Variants in UHRF1 observed in about 807,000 individuals in gnomAD.
UHRF1 encodes E3 ubiquitin-protein ligase UHRF1.
Under a neutral mutation model 96.5 loss-of-function variants are expected in UHRF1, and 9 were observed. That is an observed-to-expected ratio of 0.09 (90% CI 0.06 to 0.16). The LOEUF (loss-of-function observed/expected upper bound fraction) is 0.16. Ranked by LOEUF, UHRF1 falls within the 10% of genes least tolerant of loss-of-function variation. UHRF1 has a pLI of 1.00. For synonymous variants in UHRF1, 455 were observed against 469.9 expected, an observed-to-expected ratio of 0.97 and a Z score of 0.41; for missense variants, 626 against 1,131.1, an observed-to-expected ratio of 0.55 and a Z score of 6.40.
At chr19:4,909,456 C>T, upstream of UHRF1, 2 of 654,624 alleles carry the variant, frequency 3.1e-6, no homozygotes, top group Non-Finnish European at 5.5e-6. Flanking sequence ...CGGCCTCCTG[C>T]GGCCCCGCAA....
At position 4,930,342 on chromosome 19, in the gene UHRF1, A is replaced by G. The variant is rs892530334; in HGVS notation, c.409-374A>G. 6.6e-5 allele frequency among the ~76,000 whole-genome samples: 10 copies of G among 152,296 alleles called. No homozygotes were observed. Among genetic ancestry groups the G allele is most frequent in the African/African-American group, 2.4e-4 (10 of 41,566 alleles). ...AGGCTAGTCTTGAATTCCGGGGCTC[A>G]AGCGATCCACCTGCCTCGGCCTCCC... On this transcript the variant is annotated intron_variant, in intron 3 of 16. Transcript: ENST00000650932. The surrounding 1 kb of genome is among the most constrained non-coding windows in gnomAD (Gnocchi z 4.4).
Position 4,954,935 on chromosome 19 carries a change from A to G in UHRF1, c.2130+113A>G. The G allele has an allele frequency of 7.5e-7, 1 of 1,339,224 alleles. No individual in the cohort carries two copies. Among genetic ancestry groups the G allele is most frequent in the Non-Finnish European group, 1.0e-6 (1 of 964,098 alleles). The allele number at this position is 1,339,224 out of a possible 1,614,324, so 83.0% of individuals were successfully genotyped here. ...AGTGTACAGCTCAGTCGCACTGAGT[A>G]CATTCTTGTGGTTGTGCAACCATCA... On this transcript the variant is annotated intron_variant, in intron 15 of 16. Coordinates refer to ENST00000650932, the MANE Select transcript of UHRF1 (RefSeq NM_001048201.3). The surrounding 1 kb of genome is among the most constrained non-coding windows in gnomAD (Gnocchi z 5.9).
Position 4,960,679 on chromosome 19 carries a change from G to T in UHRF1, c.2258G>T (p.Arg753Leu). Residue 753 changes from arginine (R) to leucine (L), a missense_variant, in exon 17 of 17, where the codon CGG (arginine) becomes CTG (leucine). By Grantham distance (102) the Arg-to-Leu change is moderately radical (BLOSUM62 -2). Transcript: ENST00000650932. ...VCKDCLDRSF[R>L]AQVFSCPACR... ...CAGGACTGCCTGGACAGATCCTTTC[G>T]GGCACAGGTGTTCAGCTGCCCTGCC... is the stretch of plus-strand genomic sequence containing the variant. The T allele has an allele frequency of 6.2e-6, 10 of 1,610,268 alleles. No individual in the cohort carries two copies. The highest frequency in any genetic ancestry group is 8.5e-6 in the Non-Finnish European group (10 of 1,178,542).
chr19:4,912,870 C>T (rs1214965227), intron 2 of UHRF1, among the ~76,000 whole-genome samples: 1 of 152,108 alleles, frequency 6.6e-6, no homozygotes, highest in Non-Finnish European at 1.5e-5. Context: ...AGCAATCCTC[C>T]AGCCTCAGCC....
intron 2 of UHRF1, among the ~76,000 whole-genome samples, chr19:4,920,367 G>A (rs2032664366): frequency 6.6e-6 from 1 of 152,104 alleles, no homozygotes; most frequent in Non-Finnish European, 1.5e-5. Flanking sequence ...GGGAGACGGA[G>A]GTTGCAGTGA....
chr19:4,938,730 G>GTTTTTTT (rs71170880), intron 5 of UHRF1, among the ~76,000 whole-genome samples: 1,235 of 61,550 alleles, frequency 0.02, 170 homozygotes, highest in Admixed American at 0.037. Flanking sequence ...TTTTGGTCAG[G>GTTTTTTT]TTTTTTTTTT....
chr19:4,924,117 C>A (rs768214734), intron 2 of UHRF1, among the ~76,000 whole-genome samples: 3 of 152,182 alleles, frequency 2.0e-5, no homozygotes, highest in African/African-American at 7.2e-5. Flanking sequence ...CAGGCACTAA[C>A]CACCATGCCT....
At chr19:4,929,529 T>G in intron 3 of UHRF1, 53 bp downstream of exon 3, 2 of 1,573,058 alleles carry the variant, frequency 1.3e-6, no homozygotes, top group Non-Finnish European at 1.7e-6. Context: ...CCTGCCATTC[T>G]GGTCTTTGCA....
intron 5 of UHRF1, among the ~76,000 whole-genome samples, chr19:4,939,795 T>C (rs537963408): frequency 6.7e-4 from 102 of 151,918 alleles, no homozygotes; most frequent in African/African-American, 1.3e-3. Flanking sequence ...GGGGCCGAGG[T>C]GGGCGGATCA....
rs2033816126 is a variant in UHRF1, at chr19:4,954,880, G to A, written c.2130+58G>A. On this transcript the variant is annotated intron_variant, in intron 15 of 16. Transcript: ENST00000650932. This position sits in a 1 kb window ranked among gnomAD's most constrained non-coding sequence, Gnocchi z 5.9. ...TTGCGTTGACTGCGGTAAAATGTGT[G>A]GGGCTTGTTTCCCATGTTCCCCATT... is the stretch of plus-strand genomic sequence containing the variant. 24 of 1,591,012 alleles carry A rather than the reference G, an allele frequency of 1.5e-5. No individual in the cohort carries two copies. In the South Asian group the frequency reaches 2.4e-4, roughly 16 times the overall value.
chr19:4,919,024 ATTTTT>A (rs144245403), intron 2 of UHRF1, among the ~76,000 whole-genome samples: 1 of 119,384 alleles, frequency 8.4e-6, no homozygotes. Context: ...TCCTGACCTC[ATTTTT>A]TTTTTTTTTT....
At chr19:4,942,483 C>CTTAGTT (rs1355414795) in intron 7 of UHRF1, among the ~76,000 whole-genome samples, 1 of 151,982 alleles carries the variant, frequency 6.6e-6, no homozygotes, top group African/African-American at 2.4e-5. Context: ...AGCCACCTCG[C>CTTAGTT]CCAGCCTTGA....
At chr19:4,943,495 GC>G (rs368362097) in intron 7 of UHRF1, among the ~76,000 whole-genome samples, 1 of 133,210 alleles carries the variant, frequency 7.5e-6, no homozygotes, top group Non-Finnish European at 1.6e-5. Context: ...TTGTTGCCCT[GC>G]CCCCCCTCCC....
intron 2 of UHRF1, among the ~76,000 whole-genome samples, chr19:4,916,577 G>A (rs554762502): frequency 2.0e-5 from 3 of 152,282 alleles, no homozygotes; most frequent in South Asian, 2.1e-4. Context: ...GAAGGGCAGA[G>A]TTCCGCTGTC....
chr19:4,946,965 A>G, intron 10 of UHRF1, 140 bp from the exon 11 acceptor site: 2 of 660,898 alleles, frequency 3.0e-6, no homozygotes, highest in Non-Finnish European at 5.2e-6. Flanking sequence ...AAAGGGCTCC[A>G]ATTTCCCCAC....
At chr19:4,919,780 T>C (rs1026824953) in intron 2 of UHRF1, among the ~76,000 whole-genome samples, 2 of 152,036 alleles carry the variant, frequency 1.3e-5, no homozygotes, top group Non-Finnish European at 2.9e-5. Flanking sequence ...CAAATTTCCA[T>C]AATGGTAAAT....
chr19:4,947,278 G>T, intron 11 of UHRF1, 67 bp downstream of exon 11: 1 of 1,442,196 alleles, frequency 6.9e-7, no homozygotes, highest in Non-Finnish European at 9.8e-7. Context: ...TCTGTTTTGG[G>T]CCTCATGTCC....
chr19:4,911,994 C>T (rs1004716342), intron 2 of UHRF1, among the ~76,000 whole-genome samples: 3 of 152,286 alleles, frequency 2.0e-5, no homozygotes, highest in Non-Finnish European at 4.4e-5. Flanking sequence ...ATAAACACTG[C>T]GCCCGGCCAG....
At chr19:4,940,016 T>A (rs922401039) in intron 5 of UHRF1, among the ~76,000 whole-genome samples, 1 of 141,672 alleles carries the variant, frequency 7.1e-6, no homozygotes, top group African/African-American at 2.7e-5. Flanking sequence ...AGAGCGAGAC[T>A]GTCTCAAAAA....
Sources: gnomAD v4.1 joint callset for allele counts (sites outside exome capture counted in the v4.1 genomes callset) on GRCh38, gnomAD v4.1.1 for gene constraint, Gnocchi (gnomAD v3.1) non-coding constraint, MANE v1.5 for transcripts, NCBI Gene and HGNC (gene_info 2026-07-23, HGNC 2026-07-21) for gene names.